MAD1L1: variants seen among roughly 807,000 people sequenced by gnomAD.
MAD1L1 encodes the protein mitotic spindle assembly checkpoint protein MAD1.
MAD1L1 carries 95 observed loss-of-function variants against 96.9 expected under a neutral mutation model. The ratio of observed to expected loss-of-function variants is 0.98; its 90% CI spans 0.83 to 1.16. The LOEUF (loss-of-function observed/expected upper bound fraction) is 1.16, where lower values mean the gene tolerates loss of function less well. Ranked by LOEUF, MAD1L1 falls within the 50% of genes most tolerant of loss-of-function variation. MAD1L1 has a pLI of 0.00. For synonymous variants in MAD1L1, 473 were observed against 396.6 expected (o/e 1.19, Z -2.29); for missense variants, 1,007 against 954.4 (o/e 1.06, Z -0.73).
chr7:2,067,889 C>T (rs756016944), intron 12 of MAD1L1, among the ~76,000 whole-genome samples: 33 of 152,280 alleles, frequency 2.2e-4, no homozygotes, highest in Non-Finnish European at 5.9e-5. Context: ...GGTGCCACTG[C>T]CTGGCCCCGC....
intron 12 of MAD1L1, among the ~76,000 whole-genome samples, chr7:2,031,257 GCTGT>G (rs2128506390): frequency 6.6e-6 from 1 of 152,256 alleles, no homozygotes; most frequent in African/African-American, 2.4e-5. Flanking sequence ...CTGCCCCACA[GCTGT>G]CTTGGGGTTA....
At chr7:2,129,304 G>T (rs1353513305) in intron 11 of MAD1L1, among the ~76,000 whole-genome samples, 2 of 152,228 alleles carry the variant, frequency 1.3e-5, no homozygotes, top group Non-Finnish European at 2.9e-5. Flanking sequence ...GAAAGCCCAG[G>T]TTTTTGCCTG....
At chr7:1,952,331 C>T (rs959790330) in intron 16 of MAD1L1, among the ~76,000 whole-genome samples, 3 of 152,206 alleles carry the variant, frequency 2.0e-5, no homozygotes, top group Non-Finnish European at 2.9e-5. Flanking sequence ...CGGCCCGGTC[C>T]GGAGTGGGCG....
rs1189217900 is a variant in MAD1L1, at chr7:1,887,848, C to CGT, written c.1998+10350_1998+10351dup. On this transcript the variant is annotated intron_variant, in intron 18 of 18. Transcript: ENST00000265854. ...GTGTGCATGTATGTGGCGTCCTGTG[C>CGT]GTGTGTGTGTGCACGTGTGTGTGCA... 2.3e-3 allele frequency among the ~76,000 whole-genome samples: 193 copies of CGT among 85,194 alleles called. 1 individual carries two copies. Among genetic ancestry groups the CGT allele is most frequent in the African/African-American group, 0.022 (187 of 8,400 alleles). 55.9% of individuals were successfully genotyped at this position (85,194 alleles called of 152,430 possible).
In MAD1L1 at chr7:1,827,030, G is replaced by A. The variant is rs1261438412; in HGVS notation, c.1999-10802C>T. On this transcript the variant is annotated intron_variant, in intron 18 of 18. Transcript: ENST00000265854. ...CGGGCGTTCTGCTTTACAGCCACAC[G>A]CAGCTGCTCCTGCAGCCGCAGCCGG... Among the ~76,000 whole-genome samples, 3 of 152,296 alleles carry A rather than the reference G, an allele frequency of 2.0e-5. No individual in the cohort carries two copies. In the East Asian group the frequency reaches 5.8e-4, roughly 29 times the overall value.
intron 17 of MAD1L1, among the ~76,000 whole-genome samples, chr7:1,917,022 G>A (rs996335861): frequency 6.6e-6 from 1 of 151,986 alleles, no homozygotes; most frequent in African/African-American, 2.4e-5. Flanking sequence ...TGACAGGAAT[G>A]TCCTCCACTC....
At chr7:1,980,005 T>A (rs1330455717) in intron 15 of MAD1L1, among the ~76,000 whole-genome samples, 1 of 152,146 alleles carries the variant, frequency 6.6e-6, no homozygotes, top group African/African-American at 2.4e-5. Flanking sequence ...CCTAGGTGGA[T>A]GGGATGGGAC....
At chr7:1,901,000 C>T (rs1273145073) in intron 17 of MAD1L1, among the ~76,000 whole-genome samples, 1 of 152,130 alleles carries the variant, frequency 6.6e-6, no homozygotes, top group African/African-American at 2.4e-5. Context: ...CTCCTGGGGC[C>T]ACTCTCTCAC....
chr7:1,960,923 T>C lies in MAD1L1; in HGVS notation c.1506-3204A>G, dbSNP rs1376740732. The stretch of plus-strand genomic sequence containing the variant: ...AGGCTCAGTCTATTTAGGAATTTCA[T>C]AATTCTAACTATGTTATAGGACCAT... On this transcript the variant is annotated intron_variant, in intron 15 of 18. Transcript: ENST00000265854. 3.3e-5 allele frequency among the ~76,000 whole-genome samples: 5 copies of C among 152,238 alleles called. No individual in the cohort carries two copies. The South Asian group carries it at 6.2e-4, about 19-fold the overall frequency.
At chr7:1,880,468 G>A (rs894628304) in intron 18 of MAD1L1, among the ~76,000 whole-genome samples, 3 of 152,208 alleles carry the variant, frequency 2.0e-5, no homozygotes, top group Admixed American at 1.3e-4. Flanking sequence ...TCGACACAGT[G>A]ATGACAAAGG....
At chr7:2,107,285 C>A (rs1787150066) in intron 11 of MAD1L1, 1 of 152,388 alleles carries the variant, frequency 6.6e-6, no homozygotes. Flanking sequence ...CCAGAGGCTG[C>A]AGCCCAAGCC....
chr7:2,040,527 G>A (rs1048162731), intron 12 of MAD1L1, among the ~76,000 whole-genome samples: 3 of 152,194 alleles, frequency 2.0e-5, no homozygotes, highest in Admixed American at 1.3e-4. Flanking sequence ...CGCTCCTGTC[G>A]CCTCCATTCT....
chr7:1,862,623 C>T (rs938816462), intron 18 of MAD1L1, among the ~76,000 whole-genome samples: 1 of 152,234 alleles, frequency 6.6e-6, no homozygotes, highest in African/African-American at 2.4e-5. Context: ...GGGCATCGGC[C>T]CTGGCCGGTC....
intron 11 of MAD1L1, among the ~76,000 whole-genome samples, chr7:2,109,059 T>C (rs577584196): frequency 6.6e-6 from 1 of 152,152 alleles, no homozygotes; most frequent in South Asian, 2.1e-4. Context: ...CCGCACCCGC[T>C]CTGCAGCTCA....
chr7:2,161,778 G>A (rs1002909953), intron 10 of MAD1L1, among the ~76,000 whole-genome samples: 1 of 149,876 alleles, frequency 6.7e-6, no homozygotes, highest in African/African-American at 2.5e-5. Flanking sequence ...GAACTGAGGA[G>A]TGCCTCTGCC....
chr7:1,878,395 C>A (rs1374160836), intron 18 of MAD1L1, among the ~76,000 whole-genome samples: 1 of 151,870 alleles, frequency 6.6e-6, no homozygotes, highest in African/African-American at 2.4e-5. Flanking sequence ...TGCACAAGAT[C>A]ATAGATGCAA....
intron 15 of MAD1L1, among the ~76,000 whole-genome samples, chr7:1,979,335 A>C (rs1442520208): frequency 1.3e-5 from 2 of 152,198 alleles, no homozygotes; most frequent in Admixed American, 6.5e-5. Flanking sequence ...CTGGATGCCC[A>C]GGGCCTGGCC....
intron 16 of MAD1L1, among the ~76,000 whole-genome samples, chr7:1,950,479 C>A (rs561042541): frequency 1.3e-5 from 2 of 152,356 alleles, no homozygotes; most frequent in East Asian, 1.9e-4. Flanking sequence ...GACTTCCACC[C>A]GAGTCCTTCA....
chr7:2,176,457 G>A (rs1009779370), intron 10 of MAD1L1, among the ~76,000 whole-genome samples: 4 of 152,094 alleles, frequency 2.6e-5, no homozygotes, highest in African/African-American at 9.7e-5. Context: ...CGTACCAGAG[G>A]TCCCGGCCAA....
Sources: allele counts gnomAD v4.1 joint callset (sites outside exome capture counted in the v4.1 genomes callset), GRCh38; gene constraint gnomAD v4.1.1; transcripts MANE v1.5; gene names NCBI Gene and HGNC (gene_info 2026-07-23, HGNC 2026-07-21).